TIAM1: variants seen among roughly 807,000 people sequenced by gnomAD.
TIAM1 encodes the protein rho guanine nucleotide exchange factor TIAM1.
Under a neutral mutation model 163.5 loss-of-function variants are expected in TIAM1, and 65 were observed. That is an observed-to-expected ratio of 0.40 (90% CI 0.33 to 0.49). The LOEUF (loss-of-function observed/expected upper bound fraction) is 0.49. Ranked by LOEUF, TIAM1 falls within the 20% of genes least tolerant of loss-of-function variation. The pLI is 0.77. For synonymous variants in TIAM1, 833 were observed against 810.1 expected (o/e 1.03, Z -0.48); for missense variants, 1,789 against 2,044.7 (o/e 0.87, Z 2.41).
At chr21:31,554,334 CG>C (rs1439042085) in intron 1 of TIAM1, among the ~76,000 whole-genome samples, 3 of 152,138 alleles carry the variant, frequency 2.0e-5, no homozygotes, top group Non-Finnish European at 4.4e-5. Flanking sequence ...CATACTCTAG[CG>C]GGGCAGAAGC....
At chr21:31,492,939 GTTTTAATGAAGTTGCCT>G (rs911396649) in intron 1 of TIAM1, among the ~76,000 whole-genome samples, 6 of 152,016 alleles carry the variant, frequency 3.9e-5, no homozygotes, top group African/African-American at 1.4e-4. Context: ...TTTAAGGTGT[GTTTTAATGAAGTTGCCT>G]TTTTAATGAA....
At chr21:31,253,151 C>G (rs1429994921) in intron 4 of TIAM1, among the ~76,000 whole-genome samples, 2 of 152,192 alleles carry the variant, frequency 1.3e-5, no homozygotes, top group Non-Finnish European at 2.9e-5. Flanking sequence ...TGGTAGTCAT[C>G]AAGGAAGGAT....
chr21:31,504,513 G>A (rs2046964350), intron 1 of TIAM1, among the ~76,000 whole-genome samples: 1 of 152,164 alleles, frequency 6.6e-6, no homozygotes, highest in African/African-American at 2.4e-5. Context: ...AGCAATATGG[G>A]GAGCTGGGAT....
intron 6 of TIAM1, among the ~76,000 whole-genome samples, chr21:31,230,675 A>G (rs965658564): frequency 1.3e-5 from 2 of 152,086 alleles, no homozygotes; most frequent in Non-Finnish European, 1.5e-5. Flanking sequence ...ACTACAGGCT[A>G]CTAGGGAGCC....
intron 11 of TIAM1, among the ~76,000 whole-genome samples, chr21:31,207,875 C>G (rs532178084): frequency 6.6e-6 from 1 of 152,336 alleles, no homozygotes; most frequent in East Asian, 1.9e-4. Context: ...CAGGTGTGAG[C>G]CACCGTGCCC....
chr21:31,463,036 C>T (rs2045392111), intron 2 of TIAM1, among the ~76,000 whole-genome samples: 1 of 152,164 alleles, frequency 6.6e-6, no homozygotes, highest in South Asian at 2.1e-4. Flanking sequence ...TGAGCCACCG[C>T]GCCCAGCCAG....
intron 4 of TIAM1, among the ~76,000 whole-genome samples, chr21:31,263,651 C>T (rs990250983): frequency 2.0e-5 from 3 of 152,110 alleles, no homozygotes; most frequent in African/African-American, 7.2e-5. Context: ...TCCCTAGTGT[C>T]AGAACCACAG....
intron 1 of TIAM1, among the ~76,000 whole-genome samples, chr21:31,510,902 G>A (rs543393548): frequency 6.6e-6 from 1 of 152,296 alleles, no homozygotes; most frequent in African/African-American, 2.4e-5. Context: ...ATTGGAGTAG[G>A]GTGGTCCCTG....
chr21:31,238,294 A>T (rs1266710207), intron 6 of TIAM1, among the ~76,000 whole-genome samples: 1 of 152,266 alleles, frequency 6.6e-6, no homozygotes, highest in Non-Finnish European at 1.5e-5. Flanking sequence ...TATAATAAGC[A>T]GAAGGCAGAG....
intron 10 of TIAM1, among the ~76,000 whole-genome samples, chr21:31,210,631 A>G (rs1276287769): frequency 0.025 from 569 of 22,750 alleles, 4 homozygotes; most frequent in South Asian, 0.04. Context: ...GAAAGAAAGA[A>G]AGAAAGAAAG....
chr21:31,266,222 T>C lies in TIAM1; in HGVS notation c.751A>G (p.Ser251Gly). The change falls in exon 4 of 28, where the codon AGC becomes GGC. Residue 251 changes from serine (S) to glycine (G), a missense_variant. Physicochemically the swap from Ser to Gly is moderately conservative, Grantham distance 56. This residue lies in a region of TIAM1 where 555 missense variants were observed against 564.9 expected (regional missense o/e 0.98). Coordinates refer to ENST00000541036, the MANE Select transcript of TIAM1 (RefSeq NM_001353694.2). Reference protein sequence around the residue: ...SGVTANGGPGSKFAGYCRNLV... With the variant: ...SGVTANGGPGGKFAGYCRNLV... ...TTCCGACAGTAGCCTGCAAATTTGC[T>C]CCCCGGCCCCCCGTTTGCTGTCACT... is the stretch of plus-strand genomic sequence containing the variant. 1.2e-6 allele frequency: 2 copies of C among 1,614,118 alleles called. No homozygotes were observed. The highest frequency in any genetic ancestry group is 1.7e-6 in the Non-Finnish European group (2 of 1,180,030).
chr21:31,423,908 G>A (rs926357668), intron 2 of TIAM1, among the ~76,000 whole-genome samples: 2 of 150,702 alleles, frequency 1.3e-5, no homozygotes, highest in African/African-American at 2.4e-5. Flanking sequence ...GAATGATTTG[G>A]GGCATGATGA....
At chr21:31,197,548 T>C (rs1322883343) in intron 12 of TIAM1, among the ~76,000 whole-genome samples, 1 of 149,454 alleles carries the variant, frequency 6.7e-6, no homozygotes, top group Non-Finnish European at 1.5e-5. Context: ...GCTTTTTTTT[T>C]TTTTTTGTAT....
chr21:31,369,856 G>A (rs1444916467), intron 2 of TIAM1, among the ~76,000 whole-genome samples: 9 of 152,082 alleles, frequency 5.9e-5, no homozygotes, highest in Non-Finnish European at 8.8e-5. Context: ...GTGGTGGCAC[G>A]TGCCTGTAAT....
chr21:31,329,950 C>T (rs1170458509), intron 2 of TIAM1, among the ~76,000 whole-genome samples: 2 of 152,196 alleles, frequency 1.3e-5, no homozygotes, highest in Non-Finnish European at 2.9e-5. Flanking sequence ...CATATACCTC[C>T]TGCCCCACAC....
chr21:31,120,491 T>C lies in TIAM1; in HGVS notation c.4653A>G (p.Ala1551=). Residue 1551 remains alanine, a synonymous_variant, in exon 28 of 28, where the codon GCA becomes GCG. Transcript: ENST00000541036. The surrounding 1 kb of genome is among the most constrained non-coding windows in gnomAD (Gnocchi z 4.2). ...KTLDSHASRM[A]QLKKQAALSG... ...ACAGGGCAGCTTGCTTCTTGAGCTGTGCCATGCGGGACGCGTGACTATCCA... is the reference window on the plus strand; with the variant it reads ...ACAGGGCAGCTTGCTTCTTGAGCTGCGCCATGCGGGACGCGTGACTATCCA... 6.2e-7 allele frequency: 1 copy of C among 1,614,238 alleles called. No individual in the cohort carries two copies. Among genetic ancestry groups the C allele is most frequent in the Non-Finnish European group, 8.5e-7 (1 of 1,180,042 alleles).
chr21:31,473,883 C>A (rs2045845129), intron 1 of TIAM1, among the ~76,000 whole-genome samples: 1 of 152,112 alleles, frequency 6.6e-6, no homozygotes, highest in Non-Finnish European at 1.5e-5. Flanking sequence ...TCCTGCACTG[C>A]TATAAAAAAA....
Position 31,269,667 on chromosome 21 carries a change from G to GTTT in TIAM1, c.-11-2687_-11-2685dup, listed in dbSNP as rs1383457242. Among the ~76,000 whole-genome samples, 266 of 130,496 alleles carry GTTT rather than the reference G, an allele frequency of 2.0e-3. 2 individuals carry two copies. Among genetic ancestry groups the GTTT allele is most frequent in the African/African-American group, 6.9e-3 (222 of 32,348 alleles). 85.6% of individuals were successfully genotyped at this position (130,496 alleles called of 152,430 possible). Reference sequence around the variant, plus strand: ...CAGAAAGTTGGTGAACTTTAAGTTTGTTTGTTTTTTTTTTTTTTTTTTGAG... The same window carrying GTTT: ...CAGAAAGTTGGTGAACTTTAAGTTTGTTTTTTGTTTTTTTTTTTTTTTTTTGAG... On this transcript the variant is annotated intron_variant, in intron 3 of 27. Transcript: ENST00000541036.
chr21:31,558,062 G>C (rs1457548657), intron 1 of TIAM1, among the ~76,000 whole-genome samples: 1 of 152,158 alleles, frequency 6.6e-6, no homozygotes, highest in East Asian at 1.9e-4. Flanking sequence ...GGTTTCGAGG[G>C]GGCAAGCGGC....
Sources: gnomAD v4.1 joint callset for allele counts (sites outside exome capture counted in the v4.1 genomes callset) on GRCh38, gnomAD v4.1.1 for gene constraint, gnomAD v4.1.1 regional missense constraint, Gnocchi (gnomAD v3.1) non-coding constraint, MANE v1.5 for transcripts, NCBI Gene and HGNC (gene_info 2026-07-23, HGNC 2026-07-21) for gene names.